PDE8B: variants seen among roughly 807,000 people sequenced by gnomAD.
PDE8B encodes the protein phosphodiesterase 8B, also known as high affinity cAMP-specific and IBMX-insensitive 3',5'-cyclic phosphodiesterase 8B.
PDE8B carries 26 observed loss-of-function variants against 101.3 expected under a neutral mutation model. That is an observed-to-expected ratio of 0.26 (90% CI 0.19 to 0.36). The LOEUF (loss-of-function observed/expected upper bound fraction) is 0.36, where lower values mean the gene tolerates loss of function less well. Among genes scored for constraint, PDE8B ranks in the 10% least tolerant of loss-of-function variants. The pLI is 1.00. For synonymous variants in PDE8B, 424 were observed against 429.3 expected, an observed-to-expected ratio of 0.99 and a Z score of 0.15; for missense variants, 810 against 1,163.1, an observed-to-expected ratio of 0.70 and a Z score of 4.42.
chr5:77,171,650 G>A, the PDE8B span, among the ~76,000 whole-genome samples: 2 of 152,156 alleles, frequency 1.3e-5, no homozygotes, highest in African/African-American at 2.4e-5. Context: ...AACAGGTGAG[G>A]GCTTATTTAC....
Position 77,211,686 on chromosome 5 carries a change from G to A in PDE8B, c.339+422G>A, listed in dbSNP as rs529660031. Among the ~76,000 whole-genome samples, 21 of 152,334 alleles carry A rather than the reference G, an allele frequency of 1.4e-4. No individual in the cohort carries two copies. Among genetic ancestry groups the A allele is most frequent in the African/African-American group, 5.1e-4 (21 of 41,564 alleles). On this transcript the variant is annotated intron_variant, in intron 1 of 21. Transcript: ENST00000264917. The surrounding 1 kb of genome is among the most constrained non-coding windows in gnomAD (Gnocchi z 4.1). Reference sequence around the variant, plus strand: ...TGCCTTGTAGGTGACTGGTGCAGTTGCAGCACCAGGATAGATAGTGCCCCA... The same window carrying A: ...TGCCTTGTAGGTGACTGGTGCAGTTACAGCACCAGGATAGATAGTGCCCCA...
At chr5:77,232,897 C>G (rs1753862516) in intron 1 of PDE8B, among the ~76,000 whole-genome samples, 1 of 152,064 alleles carries the variant, frequency 6.6e-6, no homozygotes, top group Non-Finnish European at 1.5e-5. Flanking sequence ...AATACAAATG[C>G]AATAAAAAAC....
At chr5:77,301,817 C>T (rs574888596) in intron 1 of PDE8B, among the ~76,000 whole-genome samples, 1 of 152,152 alleles carries the variant, frequency 6.6e-6, no homozygotes, top group Admixed American at 6.5e-5. Flanking sequence ...AAGCTTGATG[C>T]CTTGATTCCT....
intron 1 of PDE8B, among the ~76,000 whole-genome samples, chr5:77,233,647 T>A: frequency 7.0e-6 from 1 of 143,270 alleles, no homozygotes; most frequent in East Asian, 2.2e-4. Flanking sequence ...CCCAACCCCC[T>A]GAAGCTCTGT....
At chr5:77,257,688 G>A (rs910576971) in intron 1 of PDE8B, among the ~76,000 whole-genome samples, 1 of 151,704 alleles carries the variant, frequency 6.6e-6, no homozygotes, top group Non-Finnish European at 1.5e-5. Context: ...TTAAGTTCTG[G>A]GATACGTGTG....
In PDE8B at chr5:77,418,266, T is replaced by C; in HGVS notation, c.1949T>C (p.Ile650Thr). The C allele has an allele frequency of 6.2e-7, 1 of 1,613,184 alleles. No homozygotes were observed. Among genetic ancestry groups the C allele is most frequent in the Non-Finnish European group, 8.5e-7 (1 of 1,179,124 alleles). ...LDQLDEVAAL[I>T]AATVHDVDHP... ...CAGTTGGATGAGGTGGCAGCCCTCATTGCTGCCACAGTCCATGACGTGGAT... is the reference window on the plus strand; with the variant it reads ...CAGTTGGATGAGGTGGCAGCCCTCACTGCTGCCACAGTCCATGACGTGGAT... The change falls in exon 18 of 22, where the codon ATT (isoleucine) becomes ACT (threonine). Residue 650 changes from isoleucine (I) to threonine (T), a missense_variant. Ile to Thr is a moderately conservative substitution (Grantham distance 89). Around this residue, in one of 4 missense-constraint regions of PDE8B, gnomAD observed 325 missense variants for 560.9 expected, o/e 0.58. Coordinates refer to ENST00000264917, the MANE Select transcript of PDE8B (RefSeq NM_003719.5).
intron 4 of PDE8B, among the ~76,000 whole-genome samples, chr5:77,330,081 C>G (rs1357304223): frequency 6.6e-6 from 1 of 152,196 alleles, no homozygotes; most frequent in East Asian, 1.9e-4. Flanking sequence ...CCTCTCCATC[C>G]TGGTGGGAGA....
intron 10 of PDE8B, among the ~76,000 whole-genome samples, chr5:77,384,696 T>A (rs192680281): frequency 8.9e-4 from 136 of 152,220 alleles, no homozygotes; most frequent in African/African-American, 3.2e-3. Context: ...CTGTTGAATT[T>A]TGTTGAAGGC....
Position 77,398,946 on chromosome 5 carries a change from C to T in PDE8B, c.1168-1302C>T, listed in dbSNP as rs535317181. Among the ~76,000 whole-genome samples, 248 of 152,300 alleles carry T rather than the reference C, an allele frequency of 1.6e-3. 3 individuals are homozygous for T. The highest frequency in any genetic ancestry group is 5.8e-3 in the African/African-American group (241 of 41,552). ...ACACCTACCCCAAAGTCCGAGGAAGCTGAGAGGCCAAAGAAAGAGGCTGAT... is the reference window on the plus strand; with the variant it reads ...ACACCTACCCCAAAGTCCGAGGAAGTTGAGAGGCCAAAGAAAGAGGCTGAT... On this transcript the variant is annotated intron_variant, in intron 10 of 21. Transcript: ENST00000264917.
At chr5:77,280,565 G>A (rs752308281) in intron 1 of PDE8B, among the ~76,000 whole-genome samples, 2 of 152,184 alleles carry the variant, frequency 1.3e-5, no homozygotes, top group Admixed American at 6.5e-5. Flanking sequence ...AGCACTTATT[G>A]TCAGTTTTTT....
chr5:77,198,576 G>A, the PDE8B span, among the ~76,000 whole-genome samples: 8 of 152,220 alleles, frequency 5.3e-5, no homozygotes, highest in African/African-American at 1.7e-4. Context: ...TTGCCTCCAC[G>A]GTGAAAGCTG....
chr5:77,211,147 G>GGGCAGCGGT lies in PDE8B; in HGVS notation c.223_231dup (p.Gly75_Gly77dup). On this transcript the variant is annotated inframe_insertion, in exon 1 of 22. Transcript: ENST00000264917. This position sits in a 1 kb window ranked among gnomAD's most constrained non-coding sequence, Gnocchi z 4.1. ...GCGTCCGCAGGGCCCGCACCGAGCT[G>GGGCAGCGGT]GGCAGCGGTAGCAGCGCGGGTTCCG... 1.3e-6 allele frequency: 2 copies of GGGCAGCGGT among 1,529,706 alleles called. No individual in the cohort carries two copies. The highest frequency in any genetic ancestry group is 2.8e-5 in the African/African-American group (2 of 71,952). 94.8% of individuals were successfully genotyped at this position (1,529,706 alleles called of 1,614,324 possible). A position where few individuals can be genotyped will look rare whatever the true frequency, so the allele number is the denominator to read the frequency against.
At chr5:77,315,366 C>T (rs142891552) in intron 2 of PDE8B, among the ~76,000 whole-genome samples, 2,502 of 152,256 alleles carry the variant, frequency 0.016, 31 homozygotes, top group Non-Finnish European at 0.023. Context: ...CCCCCCACCC[C>T]ACCATATTAA....
At chr5:77,279,144 C>T (rs767214149) in intron 1 of PDE8B, among the ~76,000 whole-genome samples, 1 of 152,090 alleles carries the variant, frequency 6.6e-6, no homozygotes, top group Non-Finnish European at 1.5e-5. Flanking sequence ...GATAATAAAA[C>T]TAAGAAAATG....
chr5:77,386,376 G>A (rs956188348), intron 10 of PDE8B, among the ~76,000 whole-genome samples: 2 of 152,128 alleles, frequency 1.3e-5, no homozygotes, highest in African/African-American at 4.8e-5. Context: ...TGACAGTGGG[G>A]CGTTAAAGTC....
At chr5:77,191,501 C>T in the PDE8B span, among the ~76,000 whole-genome samples, 4 of 151,908 alleles carry the variant, frequency 2.6e-5, no homozygotes, top group Non-Finnish European at 4.4e-5. Flanking sequence ...TACAGGTGCC[C>T]GCCACCACAC....
At position 77,427,277 on chromosome 5, in the gene PDE8B, G is replaced by GCATTT. The variant is rs993699507; in HGVS notation, c.*729_*733dup. 6.6e-6 allele frequency: 1 copy of GCATTT among 152,426 alleles called. No individual in the cohort carries two copies. Among genetic ancestry groups the GCATTT allele is most frequent in the Non-Finnish European group, 1.5e-5 (1 of 68,004 alleles). The allele number at this position is 152,426 out of a possible 1,614,324, so 9.4% of individuals were successfully genotyped here. On this transcript the variant is annotated 3_prime_UTR_variant, in exon 22 of 22. Transcript: ENST00000264917. Reference sequence around the variant, plus strand: ...GTCATCCATGATGAGGGAAAAAGTGGCATTTCATTTTTGGGGAATCCATGA... The same window carrying GCATTT: ...GTCATCCATGATGAGGGAAAAAGTGGCATTTCATTTCATTTTTGGGGAATCCATGA...
chr5:77,418,316 C>G lies in PDE8B; in HGVS notation c.1999C>G (p.Leu667Val). Reference sequence around the variant, plus strand: ...TCACCCGGGAAGGACCAACTCTTTCCTCTGCAATGCAGGCAGTGAGCTTGC... The same window carrying G: ...TCACCCGGGAAGGACCAACTCTTTCGTCTGCAATGCAGGCAGTGAGCTTGC... ...VDHPGRTNSF[L>V]CNAGSELAVL... Residue 667 changes from leucine to valine, a missense_variant, in exon 18 of 22, where the codon CTC (leucine) becomes GTC (valine). Around this residue, in one of 4 missense-constraint regions of PDE8B, gnomAD observed 325 missense variants for 560.9 expected, o/e 0.58. Coordinates refer to ENST00000264917, the MANE Select transcript of PDE8B (RefSeq NM_003719.5). The G allele has an allele frequency of 6.2e-7, 1 of 1,613,798 alleles. No homozygotes were observed. The highest frequency in any genetic ancestry group is 8.5e-7 in the Non-Finnish European group (1 of 1,179,676).
chr5:77,316,566 A>G (rs973249337), intron 2 of PDE8B, among the ~76,000 whole-genome samples: 1 of 152,122 alleles, frequency 6.6e-6, no homozygotes, highest in African/African-American at 2.4e-5. Context: ...TTAGCAGTCA[A>G]ATTTTATAAC....
Sources: allele counts gnomAD v4.1 joint callset (sites outside exome capture counted in the v4.1 genomes callset), GRCh38; gene constraint gnomAD v4.1.1; regional missense constraint gnomAD v4.1.1; non-coding constraint Gnocchi (gnomAD v3.1); transcripts MANE v1.5; gene names NCBI Gene and HGNC (gene_info 2026-07-23, HGNC 2026-07-21).